Variants in DPP10 observed in about 807,000 individuals in gnomAD.
DPP10 encodes dipeptidyl peptidase like 10.
In DPP10, 33 loss-of-function variants were observed where a neutral mutation model predicts 120.9. That is an observed-to-expected ratio of 0.27 (90% CI 0.21 to 0.37). The LOEUF (loss-of-function observed/expected upper bound fraction) is 0.37. Among genes scored for constraint, DPP10 ranks in the 10% least tolerant of loss-of-function variants. DPP10 has a pLI of 1.00. For missense variants in DPP10, 816 were observed against 942.8 expected, an observed-to-expected ratio of 0.87 and a Z score of 1.76; for synonymous variants, 337 against 326.1, an observed-to-expected ratio of 1.03 and a Z score of -0.36.
Position 115,042,612 on chromosome 2 carries a change from T to A in DPP10, c.61-266627T>A, listed in dbSNP as rs189513350. Among the ~76,000 whole-genome samples the A allele has an allele frequency of 6.3e-3, 963 of 152,266 alleles. 8 individuals carry two copies. Among genetic ancestry groups the A allele is most frequent in the Admixed American group, 9.7e-3 (148 of 15,294 alleles). The stretch of plus-strand genomic sequence containing the variant: ...CTCTTGGCTATTGATGCACGGAGTG[T>A]TAGAGCTGAAATAGTTCTTAATTTT... On this transcript the variant is annotated intron_variant, in intron 1 of 25. Coordinates refer to ENST00000410059, the MANE Select transcript of DPP10 (RefSeq NM_020868.6).
intron 5 of DPP10, among the ~76,000 whole-genome samples, chr2:115,536,096 T>C (rs1045106093): frequency 2.0e-4 from 30 of 152,006 alleles, no homozygotes; most frequent in Admixed American, 6.6e-4. Context: ...AACTGTATTA[T>C]AGAGAATCTG....
intron 1 of DPP10, among the ~76,000 whole-genome samples, chr2:115,148,744 A>G (rs2051368450): frequency 6.6e-6 from 1 of 152,202 alleles, no homozygotes; most frequent in Admixed American, 6.5e-5. Context: ...ACACAAAATT[A>G]TTATAAGGCA....
Position 115,254,804 on chromosome 2 carries a change from G to A in DPP10, c.61-54435G>A, listed in dbSNP as rs556466108. 4.7e-4 allele frequency among the ~76,000 whole-genome samples: 71 copies of A among 152,290 alleles called. 1 individual carries two copies. The highest frequency in any genetic ancestry group is 3.4e-3 in the Middle Eastern group (1 of 294). Reference sequence around the variant, plus strand: ...CCAAAATTATCTCCTTTGACTCCATGTCTCAGATCCAGGTCACCCTGATGC... The same window carrying A: ...CCAAAATTATCTCCTTTGACTCCATATCTCAGATCCAGGTCACCCTGATGC... On this transcript the variant is annotated intron_variant, in intron 1 of 25. Transcript: ENST00000410059.
intron 1 of DPP10, among the ~76,000 whole-genome samples, chr2:115,278,631 G>A (rs1354199027): frequency 1.3e-5 from 2 of 152,046 alleles, no homozygotes; most frequent in Non-Finnish European, 2.9e-5. Context: ...GAGATCACAT[G>A]GGGAGAGAGG....
chr2:115,510,875 G>A (rs1411640671), intron 4 of DPP10, among the ~76,000 whole-genome samples: 2 of 151,928 alleles, frequency 1.3e-5, no homozygotes, highest in Non-Finnish European at 2.9e-5. Flanking sequence ...TTTGTTACTA[G>A]GTATTTTATT....
chr2:114,982,399 A>T (rs919015635), intron 1 of DPP10, among the ~76,000 whole-genome samples: 34 of 151,788 alleles, frequency 2.2e-4, no homozygotes, highest in Admixed American at 4.6e-4. Context: ...CTATAAAGAT[A>T]AAAAAAACAG....
intron 1 of DPP10, among the ~76,000 whole-genome samples, chr2:115,086,107 A>G (rs1489541869): frequency 6.6e-6 from 1 of 152,242 alleles, no homozygotes; most frequent in African/African-American, 2.4e-5. Flanking sequence ...AAAGATCTGC[A>G]TCTGTAAAGA....
intron 5 of DPP10, among the ~76,000 whole-genome samples, chr2:115,650,035 C>T (rs927444968): frequency 2.0e-5 from 3 of 152,006 alleles, no homozygotes; most frequent in Non-Finnish European, 2.9e-5. Context: ...AAGAGAGAGA[C>T]TGAAAAATAG....
intron 1 of DPP10, among the ~76,000 whole-genome samples, chr2:115,004,414 C>A (rs900755403): frequency 2.0e-5 from 3 of 152,196 alleles, no homozygotes; most frequent in African/African-American, 7.2e-5. Flanking sequence ...CCAGCCTGAG[C>A]GACGCAGAAG....
intron 1 of DPP10, among the ~76,000 whole-genome samples, chr2:114,669,960 C>T (rs973016784): frequency 5.9e-5 from 9 of 152,132 alleles, no homozygotes; most frequent in African/African-American, 2.2e-4. Flanking sequence ...CAAATCAAAA[C>T]CACAATGAGA....
At chr2:115,367,574 T>C (rs1022460069) in intron 3 of DPP10, among the ~76,000 whole-genome samples, 1 of 152,024 alleles carries the variant, frequency 6.6e-6, no homozygotes, top group Non-Finnish European at 1.5e-5. Flanking sequence ...TTTATACTTT[T>C]CTAAGTGTTT....
intron 8 of DPP10, among the ~76,000 whole-genome samples, chr2:115,728,999 A>C (rs1411256978): frequency 6.6e-6 from 1 of 152,242 alleles, no homozygotes. Context: ...TTCTGTGTAC[A>C]TGCCAGCATG....
intron 1 of DPP10, among the ~76,000 whole-genome samples, chr2:115,056,011 T>G (rs537758158): frequency 6.6e-6 from 1 of 152,278 alleles, no homozygotes; most frequent in South Asian, 2.1e-4. Context: ...AAGAATGCAA[T>G]AGTCATATCT....
chr2:115,305,289 G>T (rs2061315818), intron 1 of DPP10, among the ~76,000 whole-genome samples: 1 of 152,046 alleles, frequency 6.6e-6, no homozygotes, highest in Non-Finnish European at 1.5e-5. Flanking sequence ...TCTGGCATGT[G>T]CAATTGATTG....
intron 3 of DPP10, among the ~76,000 whole-genome samples, chr2:115,475,511 G>T (rs1167086797): frequency 1.3e-5 from 2 of 152,220 alleles, no homozygotes; most frequent in African/African-American, 4.8e-5. Context: ...AGCCAATGTG[G>T]AGGGAACATG....
intron 5 of DPP10, among the ~76,000 whole-genome samples, chr2:115,649,938 G>A (rs1279661693): frequency 6.6e-6 from 1 of 151,990 alleles, no homozygotes; most frequent in East Asian, 1.9e-4. Context: ...GTTTTCTCCA[G>A]TATGGAAAAA....
intron 1 of DPP10, among the ~76,000 whole-genome samples, chr2:114,509,719 A>T (rs10185872): frequency 0.031 from 4,777 of 152,252 alleles, 250 homozygotes; most frequent in African/African-American, 0.11. Context: ...ATTTGCTGTT[A>T]ATAAGGGAAG....
chr2:115,562,439 C>T (rs1163571820), intron 5 of DPP10, among the ~76,000 whole-genome samples: 2 of 152,198 alleles, frequency 1.3e-5, no homozygotes, highest in Non-Finnish European at 2.9e-5. Context: ...CTCTTATCAG[C>T]ATCCCCCTAA....
intron 7 of DPP10, among the ~76,000 whole-genome samples, chr2:115,711,121 A>T (rs2092299971): frequency 6.6e-6 from 1 of 152,184 alleles, no homozygotes; most frequent in African/African-American, 2.4e-5. Flanking sequence ...TAGCATGCAG[A>T]TAAAGCTAGG....
Sources: gnomAD v4.1 joint callset for allele counts (sites outside exome capture counted in the v4.1 genomes callset) on GRCh38, gnomAD v4.1.1 for gene constraint, MANE v1.5 for transcripts, NCBI Gene and HGNC (gene_info 2026-07-23, HGNC 2026-07-21) for gene names.